PSG11: variants seen among roughly 807,000 people sequenced by gnomAD.
PSG11 encodes pregnancy-specific beta-1-glycoprotein 11.
PSG11 carries 42 observed loss-of-function variants against 36.0 expected under a neutral mutation model. The observed-to-expected ratio is 1.17, with a 90% CI of 0.91 to 1.51. The LOEUF is 1.51. Ranked by LOEUF, PSG11 falls within the 40% of genes most tolerant of loss-of-function variation. PSG11 has a pLI of 0.00. For synonymous variants in PSG11, 206 were observed against 153.5 expected (o/e 1.34, Z -2.53); for missense variants, 558 against 403.5 (o/e 1.38, Z -3.28).
intron 2 of PSG11, among the ~76,000 whole-genome samples, chr19:43,023,671 G>C (rs1339925278): frequency 6.6e-6 from 1 of 151,158 alleles, no homozygotes; most frequent in Non-Finnish European, 1.5e-5. Context: ...CACTTCTGGT[G>C]GAGGAGAGGA....
Position 43,015,344 on chromosome 19 carries a change from G to C in PSG11, c.736C>G (p.Pro246Ala), listed in dbSNP as rs748533783. The C allele has an allele frequency of 6.2e-7, 1 of 1,610,646 alleles. No homozygotes were observed. The highest frequency in any genetic ancestry group is 1.7e-5 in the Admixed American group (1 of 59,864). The change falls in exon 4 of 6, where the codon CCT (proline) becomes GCT (alanine). Residue 246 changes from proline to alanine, a missense_variant. Transcript: ENST00000320078. ...LHGPDLPRIF[P>A]SVTSYYSGEN... ...CCTGAATAGTAAGAGGTGACTGAAGGGAAAATTCTGGGGAGGTCTGGACCA... is the reference window on the plus strand; with the variant it reads ...CCTGAATAGTAAGAGGTGACTGAAGCGAAAATTCTGGGGAGGTCTGGACCA...
chr19:43,018,906 A>G lies in PSG11; in HGVS notation c.573T>C (p.His191=), dbSNP rs773238052. 3.7e-6 allele frequency: 6 copies of G among 1,612,048 alleles called. No homozygotes were observed. Among genetic ancestry groups the G allele is most frequent in the Admixed American group, 1.7e-5 (1 of 59,862 alleles). The change falls in exon 3 of 6, where the codon CAT becomes CAC. Residue 191 remains histidine (H), a synonymous_variant. Coordinates refer to ENST00000320078, the MANE Select transcript of PSG11 (RefSeq NM_002785.3). ...WMNGQSLPMT[H]RMQLSETNRT... ...TGTTGGTTTCAGACAGCTGCATCCT[A>G]TGAGTCATAGGGAGGCTCTGACCAT...
At chr19:43,024,654 G>A (rs745636373) in intron 2 of PSG11, 37 bp downstream of exon 2, 3 of 1,609,314 alleles carry the variant, frequency 1.9e-6, no homozygotes, top group African/African-American at 2.7e-5. Flanking sequence ...AGTGACCCCT[G>A]TCCCCCAACA....
At chr19:43,014,661 C>G (rs969983593) in intron 4 of PSG11, 1 of 1,134,906 alleles carries the variant, frequency 8.8e-7, no homozygotes, top group Non-Finnish European at 1.1e-6. Context: ...GTCTGAGCTG[C>G]TCCTCCCTCA....
Position 43,010,039 on chromosome 19 carries a change from G to C in PSG11, c.967C>G (p.Pro323Ala), listed in dbSNP as rs201797073. 6.2e-7 allele frequency: 1 copy of C among 1,609,134 alleles called. No homozygotes were observed. The highest frequency in any genetic ancestry group is 8.5e-7 in the Non-Finnish European group (1 of 1,176,782). The change falls in exon 5 of 6, where the codon CCT becomes GCT. Residue 323 changes from proline to alanine, a missense_variant and splice_region_variant. Physicochemically the swap from Pro to Ala is conservative, Grantham distance 27. Coordinates refer to ENST00000320078, the MANE Select transcript of PSG11 (RefSeq NM_002785.3). ...STSLTIRVIA[P>A]PGLGTFAFNN... ...AAAGCAAAAGTTCCTAATCCTGGAGGAGCTGTCATGGAAAGAAAAGAAAAG... is the reference window on the plus strand; with the variant it reads ...AAAGCAAAAGTTCCTAATCCTGGAGCAGCTGTCATGGAAAGAAAAGAAAAG...
chr19:43,023,243 C>A lies in PSG11; in HGVS notation c.430+1448G>T, dbSNP rs1306136743. Among the ~76,000 whole-genome samples, 23 of 150,342 alleles carry A rather than the reference C, an allele frequency of 1.5e-4. 1 individual carries two copies. The East Asian group carries it at 3.4e-3, about 22-fold the overall frequency. ...AAGGGACAGGTGTGGCTAGAACCTC[C>A]TAGGATTCTGCATTCAAGATCCAGT... On this transcript the variant is annotated intron_variant, in intron 2 of 5. Coordinates refer to ENST00000320078, the MANE Select transcript of PSG11 (RefSeq NM_002785.3).
chr19:43,015,627 C>T (rs1039349186), intron 3 of PSG11: 4 of 1,475,448 alleles, frequency 2.7e-6, no homozygotes, highest in African/African-American at 2.9e-5. Flanking sequence ...CCCAAGTTTT[C>T]CCAGGGCAGG....
At chr19:43,022,957 C>T (rs1967138899) in intron 2 of PSG11, among the ~76,000 whole-genome samples, 1 of 150,510 alleles carries the variant, frequency 6.6e-6, no homozygotes, top group South Asian at 2.1e-4. Flanking sequence ...CAGGACAGGG[C>T]TTGCCAGTCA....
chr19:43,008,610 T>C (rs184755138), intron 5 of PSG11, among the ~76,000 whole-genome samples: 1,947 of 151,264 alleles, frequency 0.013, 114 homozygotes, highest in African/African-American at 0.045. Context: ...CCCATAAATA[T>C]TATTTAGAGA....
chr19:43,018,837 G>A lies in PSG11; in HGVS notation c.642C>T (p.Pro214=), dbSNP rs781425103. The change falls in exon 3 of 6, where the codon CCC becomes CCT. Residue 214 remains proline, a synonymous_variant. Transcript: ENST00000320078. ...CTGAGTTCCATATTTCACATTCATA[G>A]GGTCCTGCAGTATACTTTGTGACAC... ...LFGVTKYTAG[P]YECEIWNSGS... is the part of the protein sequence containing the mutation. The A allele has an allele frequency of 3.7e-6, 6 of 1,612,102 alleles. No individual in the cohort carries two copies. The highest frequency in any genetic ancestry group is 4.2e-6 in the Non-Finnish European group (5 of 1,179,082).
At chr19:43,015,890 G>A (rs1966952011) in intron 3 of PSG11, 2 of 1,610,012 alleles carry the variant, frequency 1.2e-6, no homozygotes, top group Non-Finnish European at 8.5e-7. Flanking sequence ...TTTTCAATGG[G>A]TCGCTTTACC....
At chr19:43,021,132 C>A (rs1016918026) in intron 2 of PSG11, among the ~76,000 whole-genome samples, 2 of 151,396 alleles carry the variant, frequency 1.3e-5, no homozygotes, top group Non-Finnish European at 2.9e-5. Flanking sequence ...GTGTTACAGC[C>A]TTTGTAGTTG....
At chr19:43,022,790 G>A (rs1375018122) in intron 2 of PSG11, among the ~76,000 whole-genome samples, 1 of 151,036 alleles carries the variant, frequency 6.6e-6, no homozygotes, top group Non-Finnish European at 1.5e-5. Context: ...GGCTCGAGAT[G>A]AAGCCTGGCA....
rs537244842 is a variant in PSG11, at chr19:43,022,515, A to C, written c.430+2176T>G. 4.6e-5 allele frequency among the ~76,000 whole-genome samples: 7 copies of C among 151,518 alleles called. 1 individual carries two copies. The South Asian group carries it at 1.5e-3, about 32-fold the overall frequency. On this transcript the variant is annotated intron_variant, in intron 2 of 5. Transcript: ENST00000320078. ...CTGATCCACTGGGGAGGCTGATTTC[A>C]GTAATAATAAACCTCTGTCCTCCTG... is the stretch of plus-strand genomic sequence containing the variant.
At position 43,016,124 on chromosome 19, in the gene PSG11, A is replaced by G. The variant is rs890486095; in HGVS notation, c.710-754T>C. ...CAGGCATCCTTCAATCAGAGTTGGC[A>G]TCTCCCACCTCTCAGCCCACCCGAG... On this transcript the variant is annotated intron_variant, in intron 3 of 5. Coordinates refer to ENST00000320078, the MANE Select transcript of PSG11 (RefSeq NM_002785.3). 2.4e-5 allele frequency: 36 copies of G among 1,531,888 alleles called. No individual in the cohort carries two copies. In the South Asian group the frequency reaches 4.4e-4, roughly 19 times the overall value. The allele number at this position is 1,531,888 out of a possible 1,614,324, so 94.9% of individuals were successfully genotyped here.
intron 5 of PSG11, 46 bp from the exon 6 acceptor site, chr19:43,008,088 T>A: frequency 2.9e-6 from 1 of 340,802 alleles, no homozygotes; most frequent in Middle Eastern, 3.6e-4. Context: ...TTAAATACTT[T>A]GAGGAAGAAT....
chr19:43,014,379 A>C (rs527931348), intron 4 of PSG11: 10 of 931,460 alleles, frequency 1.1e-5, no homozygotes, highest in African/African-American at 3.6e-5. Flanking sequence ...CAGTCACTGT[A>C]CTCAGTGCTG....
intron 2 of PSG11, among the ~76,000 whole-genome samples, chr19:43,020,871 T>G (rs1307829191): frequency 6.6e-6 from 1 of 151,398 alleles, no homozygotes; most frequent in African/African-American, 2.4e-5. Context: ...AAAACAGGTA[T>G]GTGAAATGCT....
chr19:43,025,833 G>A (rs546270575), intron 1 of PSG11, among the ~76,000 whole-genome samples: 1 of 148,768 alleles, frequency 6.7e-6, no homozygotes, highest in East Asian at 2.0e-4. Context: ...TACCAATTCC[G>A]GTTCAATGTG....
Sources: gnomAD v4.1 joint callset for allele counts (sites outside exome capture counted in the v4.1 genomes callset) on GRCh38, gnomAD v4.1.1 for gene constraint, MANE v1.5 for transcripts, NCBI Gene and HGNC (gene_info 2026-07-23, HGNC 2026-07-21) for gene names.